Variants in UGT3A1 observed in about 807,000 individuals in gnomAD.
UGT3A1 encodes the protein UDP-glycosyltransferase 3A1.
In UGT3A1, 40 loss-of-function variants were observed where a neutral mutation model predicts 37.6. That is an observed-to-expected ratio of 1.06 (90% CI 0.83 to 1.38). The LOEUF (loss-of-function observed/expected upper bound fraction) is 1.38, where lower values mean the gene tolerates loss of function less well. UGT3A1 is among the 40% of genes most tolerant of loss of function. The pLI is 0.00. For synonymous variants in UGT3A1, 256 were observed against 232.3 expected (o/e 1.10, Z -0.93); for missense variants, 642 against 634.2 (o/e 1.01, Z -0.13).
At position 35,998,397 on chromosome 5, in the gene UGT3A1, AC is replaced by A. The variant is rs1003665325; in HGVS notation, c.-159-1069del. ...TCTGTTGAAGAAATTATTATGGGTTACCCCCTTACCATTTTTGTGCTGCATT... is the reference window on the plus strand; with the variant it reads ...TCTGTTGAAGAAATTATTATGGGTTACCCCTTACCATTTTTGTGCTGCATT... On this transcript the variant is annotated intron_variant, in intron 1 of 5. Transcript: ENST00000625798. Among the ~76,000 whole-genome samples the A allele has an allele frequency of 1.3e-3, 205 of 152,264 alleles. 1 individual carries two copies. The highest frequency in any genetic ancestry group is 4.7e-3 in the African/African-American group (197 of 41,560).
At chr5:35,990,385 T>A (rs983750401) in intron 1 of UGT3A1, among the ~76,000 whole-genome samples, 10 of 152,052 alleles carry the variant, frequency 6.6e-5, no homozygotes, top group Non-Finnish European at 1.5e-5. Context: ...AATAAAGTCT[T>A]GGGGAAGATC....
chr5:35,969,095 C>G (rs1350871689), intron 2 of UGT3A1, among the ~76,000 whole-genome samples: 1 of 152,120 alleles, frequency 6.6e-6, no homozygotes, highest in Non-Finnish European at 1.5e-5. Flanking sequence ...TCACCTCCCA[C>G]ACACACACCA....
intron 1 of UGT3A1, among the ~76,000 whole-genome samples, chr5:35,990,255 G>T (rs1407992118): frequency 1.3e-5 from 2 of 152,030 alleles, no homozygotes; most frequent in African/African-American, 2.4e-5. Flanking sequence ...CTGTCCCTCA[G>T]TTGCCCTCTC....
chr5:35,967,437 G>C (rs1226296373), intron 3 of UGT3A1, among the ~76,000 whole-genome samples: 2 of 152,146 alleles, frequency 1.3e-5, no homozygotes, highest in Non-Finnish European at 2.9e-5. Context: ...TTCCAGGTGA[G>C]GGCAAGAAGT....
At position 35,975,580 on chromosome 5, in the gene UGT3A1, C is replaced by T. The variant is rs112900502; in HGVS notation, c.197-7447G>A. On this transcript the variant is annotated intron_variant, in intron 2 of 6. Transcript: ENST00000274278. ...TCACTTAACTGCAAATAAACTGCAGCATGAGTGCATAATTATGGAATTTGT... is the reference window on the plus strand; with the variant it reads ...TCACTTAACTGCAAATAAACTGCAGTATGAGTGCATAATTATGGAATTTGT... Among the ~76,000 whole-genome samples, 498 of 152,326 alleles carry T rather than the reference C, an allele frequency of 3.3e-3. 1 individual carries two copies. The highest frequency in any genetic ancestry group is 5.7e-3 in the Admixed American group (87 of 15,302).
chr5:35,972,760 T>C lies in UGT3A1; in HGVS notation c.197-4627A>G, dbSNP rs573546040. 2.0e-5 allele frequency among the ~76,000 whole-genome samples: 3 copies of C among 152,064 alleles called. No individual in the cohort carries two copies. The South Asian group carries it at 6.2e-4, about 32-fold the overall frequency. On this transcript the variant is annotated intron_variant, in intron 2 of 6. Transcript: ENST00000274278. Reference sequence around the variant, plus strand: ...GGGATATTTATATCAAACTAATGAGTATAATGAAGATAGCTGGTTTCTTCT... The same window carrying C: ...GGGATATTTATATCAAACTAATGAGCATAATGAAGATAGCTGGTTTCTTCT...
chr5:35,973,334 A>T (rs564815768), intron 2 of UGT3A1, among the ~76,000 whole-genome samples: 26 of 152,318 alleles, frequency 1.7e-4, no homozygotes, highest in African/African-American at 6.3e-4. Flanking sequence ...TGTATGACAA[A>T]AATCTGGGGT....
At chr5:35,983,043 C>CCATG (rs1473135905) in intron 2 of UGT3A1, among the ~76,000 whole-genome samples, 1 of 152,174 alleles carries the variant, frequency 6.6e-6, no homozygotes, top group African/African-American at 2.4e-5. Context: ...GGCCTCCCAG[C>CCATG]CATGCTTCCT....
chr5:35,972,561 C>A (rs1325112356), intron 2 of UGT3A1, among the ~76,000 whole-genome samples: 1 of 145,814 alleles, frequency 6.9e-6, no homozygotes, highest in African/African-American at 2.5e-5. Flanking sequence ...TTCTGATTTC[C>A]TAGGATTCTG....
chr5:35,966,953 T>A (rs181994198), intron 3 of UGT3A1, among the ~76,000 whole-genome samples: 2,634 of 152,298 alleles, frequency 0.017, 38 homozygotes, highest in Non-Finnish European at 0.027. Flanking sequence ...TTAAAAAAAA[T>A]TTTACATAAA....
At chr5:35,965,160 C>A (rs1358270567) in intron 4 of UGT3A1, among the ~76,000 whole-genome samples, 1 of 152,192 alleles carries the variant, frequency 6.6e-6, no homozygotes, top group East Asian at 1.9e-4. Context: ...CAGGGCATGG[C>A]AAGAGAGGAG....
chr5:35,955,346 C>T (rs557773813), intron 6 of UGT3A1: 254 of 560,634 alleles, frequency 4.5e-4, no homozygotes, highest in Admixed American at 8.7e-4. Context: ...AAAGAAACCC[C>T]CCGCTTCAGT....
chr5:35,957,199 C>T lies in UGT3A1; in HGVS notation c.1064G>A (p.Ser355Asn), dbSNP rs1185097714. ...TAAGCAGTCCTTACCCAGGAGGTCA[C>T]TCTGAGGAAGCCAGTCCACAATTTT... The part of the protein sequence containing the change: ...NVKIVDWLPQ[S>N]DLLAHPSIRL... The change falls in exon 5 of 7, where the codon AGT becomes AAT. Residue 355 changes from serine (S) to asparagine (N), a missense_variant. Ser to Asn is a conservative substitution (Grantham distance 46). Coordinates refer to ENST00000274278, the MANE Select transcript of UGT3A1 (RefSeq NM_152404.4). 1.2e-6 allele frequency: 2 copies of T among 1,613,984 alleles called. No homozygotes were observed. The highest frequency in any genetic ancestry group is 1.7e-6 in the Non-Finnish European group (2 of 1,180,006).
At chr5:35,989,475 T>C (rs1740853027) in intron 1 of UGT3A1, among the ~76,000 whole-genome samples, 1 of 152,082 alleles carries the variant, frequency 6.6e-6, no homozygotes, top group Non-Finnish European at 1.5e-5. Context: ...AGTAGAGAAA[T>C]AGTGCGCAGC....
At chr5:35,986,445 C>T (rs1178239853) in intron 2 of UGT3A1, among the ~76,000 whole-genome samples, 1 of 151,946 alleles carries the variant, frequency 6.6e-6, no homozygotes, top group Non-Finnish European at 1.5e-5. Context: ...GTGGACAATG[C>T]ATAAAGAAAA....
At chr5:35,965,199 T>C (rs1739748889) in intron 4 of UGT3A1, among the ~76,000 whole-genome samples, 187 bp downstream of exon 4, 1 of 152,190 alleles carries the variant, frequency 6.6e-6, no homozygotes, top group African/African-American at 2.4e-5. Flanking sequence ...TATCTCAGGA[T>C]CCTGCAAGGC....
At chr5:35,971,415 A>C (rs1329903741) in intron 2 of UGT3A1, among the ~76,000 whole-genome samples, 1 of 151,764 alleles carries the variant, frequency 6.6e-6, no homozygotes, top group African/African-American at 2.4e-5. Flanking sequence ...AGCATGAGTA[A>C]CTCTCCAGAC....
intron 4 of UGT3A1, among the ~76,000 whole-genome samples, chr5:35,958,207 C>CATATAGTCTA (rs1380524335): frequency 6.6e-6 from 1 of 152,090 alleles, no homozygotes; most frequent in African/African-American, 2.4e-5. Context: ...ATATTTTTGA[C>CATATAGTCTA]ATATAGTCTA....
At chr5:35,968,163 A>G (rs771157280) in intron 2 of UGT3A1, 30 bp from the exon 3 acceptor site, 1 of 1,348,498 alleles carries the variant, frequency 7.4e-7, no homozygotes, top group Admixed American at 1.8e-5. Context: ...TTAAAAAGGT[A>G]AATATATCAT....
Sources: gnomAD v4.1 joint callset for allele counts (sites outside exome capture counted in the v4.1 genomes callset) on GRCh38, gnomAD v4.1.1 for gene constraint, MANE v1.5 for transcripts, NCBI Gene and HGNC (gene_info 2026-07-23, HGNC 2026-07-21) for gene names.